EP300: variants seen among roughly 807,000 people sequenced by gnomAD.
EP300 encodes histone acetyltransferase p300.
A neutral mutation model predicts 264.0 loss-of-function variants in EP300; 31 were observed. The observed-to-expected ratio is 0.12, with a 90% CI of 0.09 to 0.16. EP300 has a LOEUF of 0.16. Ranked by LOEUF, EP300 falls within the 10% of genes least tolerant of loss-of-function variation. The pLI is 1.00. For missense variants in EP300, 2,766 were observed against 3,052.9 expected (o/e 0.91, Z 2.21); for synonymous variants, 1,340 against 1,045.4 (o/e 1.28, Z -5.44).
intron 1 of EP300, among the ~76,000 whole-genome samples, chr22:41,105,261 G>T (rs190076061): frequency 1.4e-5 from 2 of 147,018 alleles, no homozygotes; most frequent in Admixed American, 1.4e-4. Context: ...CCAGCTACTC[G>T]GGAGGCTGAG....
intron 1 of EP300, among the ~76,000 whole-genome samples, chr22:41,095,506 A>G (rs916620278): frequency 1.3e-5 from 2 of 151,896 alleles, no homozygotes; most frequent in South Asian, 2.1e-4. Context: ...TGCTGGGGTT[A>G]CAGGTATGAG....
chr22:41,110,287 T>TCCAGCTAA, intron 1 of EP300, among the ~76,000 whole-genome samples: 13 of 21,144 alleles, frequency 6.1e-4, no homozygotes, highest in African/African-American at 1.8e-3. Context: ...AGCTAATTTT[T>TCCAGCTAA]TTTTTTTTTT....
In EP300 at chr22:41,151,861, G is replaced by A; in HGVS notation, c.2846G>A (p.Gly949Glu). 6.2e-7 allele frequency: 1 copy of A among 1,614,042 alleles called. No individual in the cohort carries two copies. The highest frequency in any genetic ancestry group is 8.5e-7 in the Non-Finnish European group (1 of 1,180,004). Residue 949 changes from glycine (G) to glutamate (E), a missense_variant, in exon 15 of 31, where the codon GGA becomes GAA. Gly to Glu is a moderately conservative substitution (Grantham distance 98, BLOSUM62 -2). Transcript: ENST00000263253. Reference protein sequence around the residue: ...PLSQPAVSIEGQVSNPPSTSS... With the variant: ...PLSQPAVSIEEQVSNPPSTSS... Reference sequence around the variant, plus strand: ...TCCCAGCCAGCTGTAAGCATTGAAGGACAGGTATCAAATCCTCCATCTACT... The same window carrying A: ...TCCCAGCCAGCTGTAAGCATTGAAGAACAGGTATCAAATCCTCCATCTACT...
At chr22:41,142,623 T>C (rs1052602829) in intron 10 of EP300, among the ~76,000 whole-genome samples, 3 of 152,168 alleles carry the variant, frequency 2.0e-5, no homozygotes, top group African/African-American at 7.2e-5. Flanking sequence ...CGGTGGTTCA[T>C]GCCTGTACTC....
At chr22:41,125,338 T>G (rs1342794422) in intron 2 of EP300, among the ~76,000 whole-genome samples, 9 of 151,854 alleles carry the variant, frequency 5.9e-5, no homozygotes, top group Admixed American at 4.6e-4. Context: ...CAGGATAGTC[T>G]CTATCTCCTG....
chr22:41,095,784 T>A (rs2058698923), intron 1 of EP300, among the ~76,000 whole-genome samples: 1 of 152,122 alleles, frequency 6.6e-6, no homozygotes, highest in African/African-American at 2.4e-5. Context: ...AAAAAGTGAT[T>A]TAGGCTTGCA....
chr22:41,127,931 C>T (rs572417620), intron 4 of EP300, among the ~76,000 whole-genome samples, 183 bp downstream of exon 4: 30 of 152,222 alleles, frequency 2.0e-4, no homozygotes, highest in Non-Finnish European at 3.2e-4. Flanking sequence ...CTCACACTTA[C>T]AATCCCAGCA....
intron 14 of EP300, among the ~76,000 whole-genome samples, chr22:41,150,561 G>A (rs940081228): frequency 6.6e-6 from 1 of 152,032 alleles, no homozygotes; most frequent in African/African-American, 2.4e-5. Context: ...TTTTCAAACA[G>A]TTTGAGCCAT....
intron 21 of EP300, among the ~76,000 whole-genome samples, chr22:41,162,992 G>A (rs978543352): frequency 6.6e-6 from 1 of 152,176 alleles, no homozygotes; most frequent in African/African-American, 2.4e-5. Context: ...TGTTGAATGT[G>A]AAACATTAAA....
chr22:41,145,687 G>A (rs960651269), intron 10 of EP300, among the ~76,000 whole-genome samples: 1 of 152,166 alleles, frequency 6.6e-6, no homozygotes, highest in Non-Finnish European at 1.5e-5. Context: ...GCAGTGGCAC[G>A]ATCTCAGCTT....
intron 1 of EP300, among the ~76,000 whole-genome samples, chr22:41,095,808 A>C (rs558595568): frequency 6.6e-6 from 1 of 152,300 alleles, no homozygotes; most frequent in Admixed American, 6.5e-5. Flanking sequence ...TTCGTGATGT[A>C]AATATATCCA....
chr22:41,146,903 C>A, intron 11 of EP300, 87 bp downstream of exon 11: 1 of 1,170,676 alleles, frequency 8.5e-7, no homozygotes, highest in Non-Finnish European at 1.2e-6. Context: ...CCGCTTTATG[C>A]CAACAGCAAG....
chr22:41,147,491 A>T (rs2059017914), intron 11 of EP300, among the ~76,000 whole-genome samples: 2 of 151,986 alleles, frequency 1.3e-5, no homozygotes, highest in African/African-American at 4.8e-5. Context: ...TAATCCCAGC[A>T]CTTTGGGAGG....
intron 27 of EP300, among the ~76,000 whole-genome samples, chr22:41,171,290 G>C (rs2059169339): frequency 6.6e-6 from 1 of 151,410 alleles, no homozygotes; most frequent in Admixed American, 6.6e-5. Context: ...ATATCTTTTT[G>C]TTTTGGTTTT....
intron 1 of EP300, among the ~76,000 whole-genome samples, chr22:41,098,121 G>A (rs944348982): frequency 2.3e-4 from 35 of 151,886 alleles, no homozygotes; most frequent in Non-Finnish European, 5.0e-4. Flanking sequence ...TTAGCATTAG[G>A]TATATCTCCT....
Position 41,176,438 on chromosome 22 carries a change from G to A in EP300, c.4971G>A (p.Glu1657=), listed in dbSNP as rs140500249. ...AQWSTMCMLV[E]LHTQSQDRFV... Reference sequence around the variant, plus strand: ...GGTCCACCATGTGCATGCTGGTGGAGCTGCACACGCAGAGCCAGGACCGCT... The same window carrying A: ...GGTCCACCATGTGCATGCTGGTGGAACTGCACACGCAGAGCCAGGACCGCT... The change falls in exon 30 of 31, where the codon GAG becomes GAA. Residue 1657 remains glutamate (E), a synonymous_variant. Transcript: ENST00000263253. The A allele has an allele frequency of 1.9e-6, 3 of 1,614,076 alleles. No individual in the cohort carries two copies. The highest frequency in any genetic ancestry group is 1.7e-5 in the Admixed American group (1 of 60,010).
At chr22:41,157,732 G>A (rs1196674598) in intron 18 of EP300, among the ~76,000 whole-genome samples, 1 of 151,720 alleles carries the variant, frequency 6.6e-6, no homozygotes, top group Non-Finnish European at 1.5e-5. Flanking sequence ...TGTTGCTCAG[G>A]CTAGTCTTGA....
chr22:41,113,388 G>T (rs926546350), intron 1 of EP300, among the ~76,000 whole-genome samples: 3 of 151,684 alleles, frequency 2.0e-5, no homozygotes, highest in African/African-American at 7.3e-5. Flanking sequence ...TCTAGTTTTG[G>T]TAATGCTGTT....
At chr22:41,163,883 A>G (rs2059121168) in intron 21 of EP300, among the ~76,000 whole-genome samples, 170 bp from the exon 22 acceptor site, 1 of 152,244 alleles carries the variant, frequency 6.6e-6, no homozygotes, top group Admixed American at 6.5e-5. Flanking sequence ...CACCCACTCC[A>G]GCCTGTACAA....
Sources: gnomAD v4.1 joint callset for allele counts (sites outside exome capture counted in the v4.1 genomes callset) on GRCh38, gnomAD v4.1.1 for gene constraint, MANE v1.5 for transcripts, NCBI Gene and HGNC (gene_info 2026-07-23, HGNC 2026-07-21) for gene names.